SLC35F3: variants seen among roughly 807,000 people sequenced by gnomAD.
SLC35F3 encodes putative thiamine transporter SLC35F3.
A neutral mutation model predicts 49.9 loss-of-function variants in SLC35F3; 25 were observed. The ratio of observed to expected loss-of-function variants is 0.50; its 90% confidence interval spans 0.37 to 0.70. The LOEUF (loss-of-function observed/expected upper bound fraction) is 0.70. Ranked by LOEUF, SLC35F3 falls within the 30% of genes least tolerant of loss-of-function variation. SLC35F3 has a pLI of 0.00. For synonymous variants in SLC35F3, 275 were observed against 265.4 expected (o/e 1.04, Z -0.35); for missense variants, 525 against 639.8 (o/e 0.82, Z 1.94).
At chr1:234,230,884 G>A (rs1411917788) in intron 2 of SLC35F3, among the ~76,000 whole-genome samples, 1 of 152,248 alleles carries the variant, frequency 6.6e-6, no homozygotes, top group Non-Finnish European at 1.5e-5. Context: ...GGCCAACTGT[G>A]CCTTTAAGTA....
At chr1:234,225,773 C>A (rs574994187) in intron 2 of SLC35F3, among the ~76,000 whole-genome samples, 1 of 152,346 alleles carries the variant, frequency 6.6e-6, no homozygotes, top group South Asian at 2.1e-4. Flanking sequence ...AAACTGAAAG[C>A]AATCTGCATG....
chr1:234,038,217 G>T (rs1443940679), intron 2 of SLC35F3, among the ~76,000 whole-genome samples: 1 of 149,204 alleles, frequency 6.7e-6, no homozygotes, highest in African/African-American at 2.5e-5. Flanking sequence ...TGTGGTGTTT[G>T]GTTTTTTGTC....
At chr1:234,134,868 T>C (rs960742388) in intron 2 of SLC35F3, among the ~76,000 whole-genome samples, 1 of 152,128 alleles carries the variant, frequency 6.6e-6, no homozygotes, top group African/African-American at 2.4e-5. Flanking sequence ...ATTACAGGCA[T>C]GTGCCACCAC....
At chr1:233,937,310 G>A (rs1364959006) in intron 2 of SLC35F3, among the ~76,000 whole-genome samples, 2 of 152,220 alleles carry the variant, frequency 1.3e-5, no homozygotes, top group African/African-American at 2.4e-5. Context: ...GATACAAAAA[G>A]TAGCTGAATG....
At chr1:234,140,469 G>GA (rs1156337880) in intron 2 of SLC35F3, among the ~76,000 whole-genome samples, 1 of 152,066 alleles carries the variant, frequency 6.6e-6, no homozygotes, top group Non-Finnish European at 1.5e-5. Context: ...ATGTATGTGG[G>GA]AAAAAAACAT....
At chr1:233,952,148 T>C (rs1304452742) in intron 2 of SLC35F3, among the ~76,000 whole-genome samples, 1 of 152,194 alleles carries the variant, frequency 6.6e-6, no homozygotes, top group Non-Finnish European at 1.5e-5. Flanking sequence ...GCTTTTTTTT[T>C]CTTCTACTTC....
chr1:234,258,764 T>G (rs1667858735), intron 3 of SLC35F3, among the ~76,000 whole-genome samples: 1 of 152,272 alleles, frequency 6.6e-6, no homozygotes, highest in Non-Finnish European at 1.5e-5. Context: ...TGTCCTAGTT[T>G]TGCAAAGGCA....
chr1:234,177,575 A>G (rs1349018351), intron 2 of SLC35F3, among the ~76,000 whole-genome samples: 1 of 152,198 alleles, frequency 6.6e-6, no homozygotes, highest in Non-Finnish European at 1.5e-5. Context: ...CGGCTTTACT[A>G]CACTTACTGA....
intron 3 of SLC35F3, among the ~76,000 whole-genome samples, chr1:234,298,735 C>T (rs1232526001): frequency 1.3e-5 from 2 of 152,230 alleles, no homozygotes; most frequent in Admixed American, 6.5e-5. Flanking sequence ...TCAGAACCTC[C>T]TTTGAGCCTC....
intron 2 of SLC35F3, among the ~76,000 whole-genome samples, chr1:233,971,628 G>T (rs1206170389): frequency 6.7e-6 from 1 of 149,652 alleles, no homozygotes; most frequent in African/African-American, 2.5e-5. Context: ...TTGAGGCAGA[G>T]AATTGCTTGA....
intron 2 of SLC35F3, among the ~76,000 whole-genome samples, chr1:233,960,332 G>A (rs986831559): frequency 1.3e-5 from 2 of 152,080 alleles, no homozygotes; most frequent in African/African-American, 2.4e-5. Flanking sequence ...CTCCTCACTC[G>A]CCTTTAGGTG....
At position 234,027,618 on chromosome 1, in the gene SLC35F3, A is replaced by G. The variant is rs1158163168; in HGVS notation, c.283+121860A>G. 6.6e-6 allele frequency among the ~76,000 whole-genome samples: 1 copy of G among 152,232 alleles called. No individual in the cohort carries two copies. The highest frequency in any genetic ancestry group is 1.5e-5 in the Non-Finnish European group (1 of 68,036). Reference sequence around the variant, plus strand: ...AACGAGGGCCTAAACTAAGCTGGTCACAGATAGTAGAAAGAAAGGGACAGA... The same window carrying G: ...AACGAGGGCCTAAACTAAGCTGGTCGCAGATAGTAGAAAGAAAGGGACAGA... On this transcript the variant is annotated intron_variant, in intron 2 of 7. Transcript: ENST00000366618. The surrounding 1 kb of genome is among the most constrained non-coding windows in gnomAD (Gnocchi z 4.1).
intron 2 of SLC35F3, among the ~76,000 whole-genome samples, chr1:234,153,936 G>A (rs1347688522): frequency 2.6e-5 from 4 of 152,104 alleles, no homozygotes; most frequent in East Asian, 3.9e-4. Flanking sequence ...GGCGGCAGGC[G>A]CCTGTAGTCC....
intron 2 of SLC35F3, among the ~76,000 whole-genome samples, chr1:234,135,775 AG>A (rs1665801151): frequency 1.3e-5 from 2 of 152,244 alleles, no homozygotes; most frequent in Non-Finnish European, 2.9e-5. Flanking sequence ...AAAGGAAAGC[AG>A]GTGTTCAGCA....
intron 2 of SLC35F3, among the ~76,000 whole-genome samples, chr1:234,025,981 G>A (rs989730813): frequency 1.3e-5 from 2 of 152,202 alleles, no homozygotes; most frequent in Admixed American, 6.5e-5. Context: ...GTTAATTTGA[G>A]GTGAAAGGTA....
chr1:234,105,588 G>A (rs955269657), intron 2 of SLC35F3, among the ~76,000 whole-genome samples: 1 of 152,190 alleles, frequency 6.6e-6, no homozygotes, highest in African/African-American at 2.4e-5. Context: ...TGCACCTCTT[G>A]CAAGATCCTA....
intron 2 of SLC35F3, among the ~76,000 whole-genome samples, chr1:233,938,448 A>G (rs1215155855): frequency 6.6e-6 from 1 of 152,152 alleles, no homozygotes; most frequent in Non-Finnish European, 1.5e-5. Context: ...ACCTAAGAAT[A>G]TTGCCTTCTG....
chr1:234,040,199 T>A (rs1664200124), intron 2 of SLC35F3, among the ~76,000 whole-genome samples: 1 of 152,130 alleles, frequency 6.6e-6, no homozygotes, highest in South Asian at 2.1e-4. Flanking sequence ...CTCTCTCCTC[T>A]GAAGTCAAGT....
chr1:234,068,540 T>C (rs1341942170), intron 2 of SLC35F3, among the ~76,000 whole-genome samples: 1 of 151,914 alleles, frequency 6.6e-6, no homozygotes, highest in African/African-American at 2.4e-5. Flanking sequence ...GAAGCCATCA[T>C]AGAACCCATA....
Sources: allele counts gnomAD v4.1 joint callset (sites outside exome capture counted in the v4.1 genomes callset), GRCh38; gene constraint gnomAD v4.1.1; non-coding constraint Gnocchi (gnomAD v3.1); transcripts MANE v1.5; gene names NCBI Gene and HGNC (gene_info 2026-07-23, HGNC 2026-07-21).